The following IGSF21 variants were observed in gnomAD, a reference collection of about 807,000 sequenced individuals.
The protein encoded by IGSF21 is immunoglobin superfamily member 21, also known as immunoglobulin superfamily member 21.
Under a neutral mutation model 46.8 loss-of-function variants are expected in IGSF21, and 28 were observed. The ratio of observed to expected loss-of-function variants is 0.60; its 90% CI spans 0.44 to 0.82. The LOEUF (loss-of-function observed/expected upper bound fraction) is 0.82, where lower values mean the gene tolerates loss of function less well. IGSF21 is among the 40% of genes least tolerant of loss of function. IGSF21 has a pLI of 0.00. For missense variants in IGSF21, 624 were observed against 665.5 expected (o/e 0.94, Z 0.69); for synonymous variants, 284 against 273.6 (o/e 1.04, Z -0.38).
intron 3 of IGSF21, among the ~76,000 whole-genome samples, chr1:18,323,377 G>A (rs1467879943): frequency 6.6e-6 from 1 of 152,184 alleles, no homozygotes; most frequent in East Asian, 1.9e-4. Flanking sequence ...ACAGTCCTGG[G>A]AGGTAGAGCA....
At chr1:18,186,838 G>T (rs1395796008) in intron 1 of IGSF21, among the ~76,000 whole-genome samples, 1 of 152,052 alleles carries the variant, frequency 6.6e-6, no homozygotes, top group Non-Finnish European at 1.5e-5. Context: ...TAACTTCCCT[G>T]GGGTAACTTC....
intron 2 of IGSF21, among the ~76,000 whole-genome samples, chr1:18,246,106 G>A (rs1009578845): frequency 1.3e-5 from 2 of 152,194 alleles, no homozygotes; most frequent in Non-Finnish European, 2.9e-5. Context: ...AGGAGTGAAA[G>A]TCCCAGTTAT....
At chr1:18,266,088 G>A (rs1356741257) in intron 2 of IGSF21, among the ~76,000 whole-genome samples, 2 of 152,182 alleles carry the variant, frequency 1.3e-5, no homozygotes, top group Non-Finnish European at 2.9e-5. Flanking sequence ...CTCTGGAATA[G>A]CAATATTATT....
intron 1 of IGSF21, among the ~76,000 whole-genome samples, chr1:18,171,510 C>T (rs113867951): frequency 1.3e-5 from 2 of 152,230 alleles, no homozygotes; most frequent in African/African-American, 4.8e-5. Context: ...AACTCAGTCC[C>T]CAGCGTCAGA....
chr1:18,364,495 C>A (rs78068209), intron 5 of IGSF21, among the ~76,000 whole-genome samples: 3,303 of 151,368 alleles, frequency 0.022, 111 homozygotes, highest in African/African-American at 0.075. Context: ...CCCTCTCCCG[C>A]CCCCCTATCG....
chr1:18,295,025 A>G (rs1344773102), intron 3 of IGSF21, among the ~76,000 whole-genome samples: 1 of 152,190 alleles, frequency 6.6e-6, no homozygotes, highest in African/African-American at 2.4e-5. Context: ...AGAGAATGAG[A>G]CTGAGAAGAT....
rs1341906343 is a variant in IGSF21, at chr1:18,367,589, T to TTC, written c.1015+1906_1015+1907dup. Among the ~76,000 whole-genome samples, 121 of 143,108 alleles carry TTC rather than the reference T, an allele frequency of 8.5e-4. 2 individuals are homozygous for TTC. Among genetic ancestry groups the TTC allele is most frequent in the African/African-American group, 1.9e-3 (72 of 38,482 alleles). The allele number at this position is 143,108 out of a possible 152,430, so 93.9% of individuals were successfully genotyped here. On this transcript the variant is annotated intron_variant, in intron 6 of 9. Coordinates refer to ENST00000251296, the MANE Select transcript of IGSF21 (RefSeq NM_032880.5). ...GACCCATTACAATGGACCTTTGATA[T>TTC]TCTCTCTCTCTCTCTTTTTTTTTTT...
intron 9 of IGSF21, 91 bp downstream of exon 9, chr1:18,377,522 AC>A: frequency 1.0e-6 from 1 of 992,214 alleles, no homozygotes; most frequent in Non-Finnish European, 1.6e-6. Flanking sequence ...CCATATGCAC[AC>A]CCTTGCCACT....
At chr1:18,367,140 G>A (rs2086174890) in intron 6 of IGSF21, among the ~76,000 whole-genome samples, 1 of 152,168 alleles carries the variant, frequency 6.6e-6, no homozygotes, top group South Asian at 2.1e-4. Context: ...TCTAACCCAG[G>A]CCACTCATGA....
chr1:18,364,022 A>G (rs2086132206), intron 5 of IGSF21, among the ~76,000 whole-genome samples: 1 of 152,132 alleles, frequency 6.6e-6, no homozygotes, highest in Non-Finnish European at 1.5e-5. Flanking sequence ...TCACAGAGAA[A>G]AAGTCCTTTC....
intron 1 of IGSF21, among the ~76,000 whole-genome samples, chr1:18,116,435 C>G (rs2086191034): frequency 1.3e-5 from 2 of 152,190 alleles, no homozygotes; most frequent in Non-Finnish European, 2.9e-5. Flanking sequence ...TCATAGTTTC[C>G]CTGTCTTTTA....
chr1:18,188,377 T>C (rs930148720), intron 1 of IGSF21, among the ~76,000 whole-genome samples: 4 of 152,178 alleles, frequency 2.6e-5, no homozygotes, highest in Non-Finnish European at 4.4e-5. Context: ...CCATAAAATA[T>C]GGCCTTTGGG....
intron 2 of IGSF21, among the ~76,000 whole-genome samples, chr1:18,239,057 T>C (rs1471751429): frequency 9.6e-6 from 1 of 104,178 alleles, no homozygotes. Flanking sequence ...TTCTCAGGGG[T>C]GAGAGTCCTG....
chr1:18,255,722 C>A (rs1043463953), intron 2 of IGSF21, among the ~76,000 whole-genome samples: 1 of 152,102 alleles, frequency 6.6e-6, no homozygotes, highest in Middle Eastern at 3.2e-3. Flanking sequence ...TTCCCCATAC[C>A]CAGGTCATCT....
At chr1:18,122,193 C>CTTTTT (rs766563472) in intron 1 of IGSF21, among the ~76,000 whole-genome samples, 43 of 78,692 alleles carry the variant, frequency 5.5e-4, no homozygotes, top group Admixed American at 1.0e-3. Context: ...TTCTTTCTTT[C>CTTTTT]TTTTTTTTTT....
chr1:18,188,580 G>A (rs1039983621), intron 1 of IGSF21, among the ~76,000 whole-genome samples: 6 of 152,286 alleles, frequency 3.9e-5, no homozygotes, highest in South Asian at 2.1e-4. Flanking sequence ...GGTTGTCAGC[G>A]TGAGGGAAGG....
At chr1:18,264,502 G>A (rs986759635) in intron 2 of IGSF21, among the ~76,000 whole-genome samples, 1 of 152,130 alleles carries the variant, frequency 6.6e-6, no homozygotes, top group African/African-American at 2.4e-5. Flanking sequence ...GCAGTGAAAT[G>A]GGGGAGAGAA....
At chr1:18,162,991 G>A (rs563593110) in intron 1 of IGSF21, among the ~76,000 whole-genome samples, 16 of 152,118 alleles carry the variant, frequency 1.1e-4, no homozygotes, top group Non-Finnish European at 1.6e-4. Flanking sequence ...GGTGGTAGAC[G>A]GAGGGTGAGT....
chr1:18,372,556 G>T (rs2086235165), intron 6 of IGSF21, among the ~76,000 whole-genome samples: 1 of 137,650 alleles, frequency 7.3e-6, no homozygotes, highest in Non-Finnish European at 1.6e-5. Context: ...ATGGATGGAT[G>T]TTTTGATGGA....
Sources: gnomAD v4.1 joint callset for allele counts (sites outside exome capture counted in the v4.1 genomes callset) on GRCh38, gnomAD v4.1.1 for gene constraint, MANE v1.5 for transcripts, NCBI Gene and HGNC (gene_info 2026-07-23, HGNC 2026-07-21) for gene names.